KLRD1: variants seen among roughly 807,000 people sequenced by gnomAD.
KLRD1 encodes natural killer cells antigen CD94.
In KLRD1, 21 loss-of-function variants were observed where a neutral mutation model predicts 22.6. That is an observed-to-expected ratio of 0.93 (90% CI 0.66 to 1.34). The LOEUF is 1.34. KLRD1 is among the 40% of genes most tolerant of loss of function. KLRD1 has a pLI of 0.00. For missense variants in KLRD1, 183 were observed against 208.6 expected (o/e 0.88, Z 0.76); for synonymous variants, 59 against 71.1 (o/e 0.83, Z 0.85).
At chr12:10,306,814 A>C (rs1216630974), upstream of KLRD1, among the ~76,000 whole-genome samples, 1 of 152,220 alleles carries the variant, frequency 6.6e-6, no homozygotes, top group Admixed American at 6.5e-5. Context: ...GAAAAGATGG[A>C]AAGTTTTGAC....
At chr12:10,255,212 G>A (rs1949384127) in intron 1 of KLRD1, among the ~76,000 whole-genome samples, 1 of 152,160 alleles carries the variant, frequency 6.6e-6, no homozygotes, top group Non-Finnish European at 1.5e-5. Flanking sequence ...AAACTGCAGT[G>A]TCTTATATCT....
intron 1 of KLRD1, among the ~76,000 whole-genome samples, chr12:10,291,350 T>G (rs1031270842): frequency 2.0e-5 from 3 of 152,230 alleles, no homozygotes; most frequent in African/African-American, 7.2e-5. Flanking sequence ...CACAAAAGAT[T>G]TCTCTGTAGT....
At chr12:10,269,413 AG>A (rs1949529281) in intron 1 of KLRD1, among the ~76,000 whole-genome samples, 2 of 152,126 alleles carry the variant, frequency 1.3e-5, no homozygotes, top group Non-Finnish European at 2.9e-5. Flanking sequence ...AGCCTCCCAA[AG>A]TGCTGGGATT....
At position 10,321,324 on chromosome 12, in the gene KLRD1, A is replaced by G. The variant is rs1950310384; in HGVS notation, c.*6531A>G. 6.6e-6 allele frequency: 1 copy of G among 152,224 alleles called. No individual in the cohort carries two copies. The highest frequency in any genetic ancestry group is 1.5e-5 in the Non-Finnish European group (1 of 68,042). 9.4% of individuals were successfully genotyped at this position (152,224 alleles called of 1,614,324 possible). ...GGAGAAAAATGATACTCAAGAAGCT[A>G]AACTTAAGGAACTTCACCTGATGAG... On this transcript the variant is annotated 3_prime_UTR_variant, in exon 6 of 6. Transcript: ENST00000336164.
Position 10,328,777 on chromosome 12 carries a change from G to T in KLRD1, c.*13984G>T, listed in dbSNP as rs984156189. The T allele has an allele frequency of 3.9e-5, 6 of 152,086 alleles. No individual in the cohort carries two copies. Among genetic ancestry groups the T allele is most frequent in the South Asian group, 2.1e-4 (1 of 4,826 alleles). The allele number at this position is 152,086 out of a possible 1,614,324, so 9.4% of individuals were successfully genotyped here. A position where few individuals can be genotyped will look rare whatever the true frequency, so the allele number is the denominator to read the frequency against. ...TGATAAAGACTTAACTGAGAGACTG[G>T]GTAATTTGTAAAGAAAAAGAGGTTT... On this transcript the variant is annotated 3_prime_UTR_variant, in exon 6 of 6. Coordinates refer to ENST00000336164, the MANE Select transcript of KLRD1 (RefSeq NM_002262.5).
In KLRD1 at chr12:10,284,691, T is replaced by G. The variant is rs527758148; in HGVS notation, c.-100-23287T>G. On this transcript the variant is annotated intron_variant, in intron 1 of 5. Transcript: ENST00000544747. Reference sequence around the variant, plus strand: ...CTCTCCACAAATTTCAGATAAGAAATTAGGGTCTCTGGGCCAGGCACAGTG... The same window carrying G: ...CTCTCCACAAATTTCAGATAAGAAAGTAGGGTCTCTGGGCCAGGCACAGTG... Among the ~76,000 whole-genome samples the G allele has an allele frequency of 3.3e-5, 5 of 152,252 alleles. No individual in the cohort carries two copies. In the South Asian group the frequency reaches 1.0e-3, roughly 32 times the overall value.
At position 10,318,718 on chromosome 12, in the gene KLRD1, C is replaced by G. The variant is rs12813197; in HGVS notation, c.*3925C>G. 0.58 allele frequency: 88,570 copies of G among 151,588 alleles called. 28,119 individuals carry two copies. Among genetic ancestry groups the G allele is most frequent in the South Asian group, 0.82 (3,914 of 4,780 alleles). 9.4% of individuals were successfully genotyped at this position (151,588 alleles called of 1,614,324 possible). A position where few individuals can be genotyped will look rare whatever the true frequency, so the allele number is the denominator to read the frequency against. ...AAAATTAGCCAGGCGTGGTGACAGG[C>G]ACCTGTAGTCCCAGCTACTCGGGAG... is the stretch of plus-strand genomic sequence containing the variant. On this transcript the variant is annotated 3_prime_UTR_variant, in exon 6 of 6. Coordinates refer to ENST00000336164, the MANE Select transcript of KLRD1 (RefSeq NM_002262.5).
At chr12:10,314,628 C>A in intron 5 of KLRD1, 45 bp from the exon 6 acceptor site, 1 of 1,489,768 alleles carries the variant, frequency 6.7e-7, no homozygotes, top group South Asian at 1.4e-5. Context: ...CCTGAACATT[C>A]TTACTTCCTT....
chr12:10,239,486 TTCCTTCC>T (rs1949217647), intron 1 of KLRD1, among the ~76,000 whole-genome samples: 1 of 117,916 alleles, frequency 8.5e-6, no homozygotes, highest in African/African-American at 4.7e-5. Context: ...TCCTTCCTTC[TTCCTTCC>T]TTCCTTCCTT....
At chr12:10,298,629 G>T (rs961013476) in intron 1 of KLRD1, among the ~76,000 whole-genome samples, 2 of 152,210 alleles carry the variant, frequency 1.3e-5, no homozygotes, top group Non-Finnish European at 2.9e-5. Context: ...GGAATACCTG[G>T]CCCACCCAGG....
At chr12:10,279,433 C>T (rs954747612) in intron 1 of KLRD1, among the ~76,000 whole-genome samples, 4 of 152,172 alleles carry the variant, frequency 2.6e-5, no homozygotes, top group Admixed American at 6.5e-5. Flanking sequence ...GTATAAATGC[C>T]TGAATGTGTT....
At chr12:10,292,420 C>T (rs929472135) in intron 1 of KLRD1, among the ~76,000 whole-genome samples, 13 of 152,132 alleles carry the variant, frequency 8.5e-5, no homozygotes, top group South Asian at 2.1e-4. Flanking sequence ...CTCCTTGATT[C>T]ACGGACTGCC....
intron 1 of KLRD1, among the ~76,000 whole-genome samples, chr12:10,290,622 G>T (rs1592064321): frequency 1.3e-5 from 2 of 152,088 alleles, no homozygotes; most frequent in East Asian, 3.9e-4. Flanking sequence ...TGTAATGTGT[G>T]CTCAATAAAT....
chr12:10,239,452 TC>T (rs1949215218), intron 1 of KLRD1, among the ~76,000 whole-genome samples: 2 of 43,150 alleles, frequency 4.6e-5, no homozygotes, highest in South Asian at 1.5e-3. Flanking sequence ...CTTCCTTCCT[TC>T]CTTCCTTCCT....
At chr12:10,271,859 C>A (rs1949552770) in intron 1 of KLRD1, among the ~76,000 whole-genome samples, 1 of 151,598 alleles carries the variant, frequency 6.6e-6, no homozygotes, top group African/African-American at 2.4e-5. Flanking sequence ...AATTCTTACT[C>A]TTTTAAAAAA....
In KLRD1 at chr12:10,325,285, C is replaced by T. The variant is rs1950350607; in HGVS notation, c.*10492C>T. 6.6e-6 allele frequency: 1 copy of T among 152,008 alleles called. No individual in the cohort carries two copies. Among genetic ancestry groups the T allele is most frequent in the South Asian group, 2.1e-4 (1 of 4,826 alleles). The allele number at this position is 152,008 out of a possible 1,614,324, so 9.4% of individuals were successfully genotyped here. ...TTGAAATCAGATAGTTTTTATTTCC[C>T]AGTTATAAACCTCAGTTGTTCATGT... On this transcript the variant is annotated 3_prime_UTR_variant, in exon 6 of 6. Transcript: ENST00000336164.
chr12:10,328,547 A>C lies in KLRD1; in HGVS notation c.*13754A>C, dbSNP rs1950381488. The C allele has an allele frequency of 6.6e-6, 1 of 151,988 alleles. No homozygotes were observed. Among genetic ancestry groups the C allele is most frequent in the African/African-American group, 2.4e-5 (1 of 41,398 alleles). The allele number at this position is 151,988 out of a possible 1,614,324, so 9.4% of individuals were successfully genotyped here. A position where few individuals can be genotyped will look rare whatever the true frequency, so the allele number is the denominator to read the frequency against. ...ATTTAAGGCCTCTCTTCTTTTTCTT[A>C]GTCTAGCTAAAGGTTTGTCAAGTTA... On this transcript the variant is annotated 3_prime_UTR_variant, in exon 6 of 6. Transcript: ENST00000336164.
At position 10,255,209 on chromosome 12, in the gene KLRD1, A is replaced by T. The variant is rs1396772144; in HGVS notation, c.-101+28976A>T. ...GAGATTCCTCAAAGAGCTAAACTGC[A>T]GTGTCTTATATCTACTAGTAATTTG... On this transcript the variant is annotated intron_variant, in intron 1 of 5. Transcript: ENST00000544747. 2.0e-5 allele frequency among the ~76,000 whole-genome samples: 3 copies of T among 152,200 alleles called. No homozygotes were observed. In the East Asian group the frequency reaches 5.8e-4, roughly 29 times the overall value.
intron 1 of KLRD1, among the ~76,000 whole-genome samples, chr12:10,258,253 T>TCTC (rs34547580): frequency 0.8 from 121,701 of 151,908 alleles, 53,333 homozygotes; most frequent in Non-Finnish European, 0.98. Context: ...TAGCTCAAGC[T>TCTC]CTCCTTCTGC....
Sources: allele counts gnomAD v4.1 joint callset (sites outside exome capture counted in the v4.1 genomes callset), GRCh38; gene constraint gnomAD v4.1.1; transcripts MANE v1.5; gene names NCBI Gene and HGNC (gene_info 2026-07-23, HGNC 2026-07-21).